DLC1: variants seen among roughly 807,000 people sequenced by gnomAD.
The protein encoded by DLC1 is DLC1 Rho GTPase activating protein, also known as rho GTPase-activating protein 7.
Under a neutral mutation model 140.3 loss-of-function variants are expected in DLC1, and 54 were observed. The observed-to-expected ratio is 0.38, with a 90% CI of 0.31 to 0.48. The LOEUF (loss-of-function observed/expected upper bound fraction) is 0.48. Among genes scored for constraint, DLC1 ranks in the 20% least tolerant of loss-of-function variants. The pLI, the probability that DLC1 is intolerant of heterozygous loss-of-function variation, is 0.96. For missense variants in DLC1, 2,536 were observed against 1,907.0 expected (o/e 1.33, Z -6.14); for synonymous variants, 986 against 728.1 (o/e 1.35, Z -5.70).
At chr8:13,589,214 A>C (rs975353239) in intron 1 of DLC1, among the ~76,000 whole-genome samples, 1 of 152,072 alleles carries the variant, frequency 6.6e-6, no homozygotes, top group African/African-American at 2.4e-5. Context: ...CTTAGCCCAG[A>C]GATGCTTATG....
chr8:13,395,790 C>T (rs1254301661), intron 3 of DLC1, among the ~76,000 whole-genome samples: 2 of 151,548 alleles, frequency 1.3e-5, no homozygotes, highest in Admixed American at 6.6e-5. Context: ...AGACATAACT[C>T]TGAGCAAATT....
In DLC1 at chr8:13,576,042, A is replaced by G. The variant is rs554393687; in HGVS notation, c.-126+28495T>C. On this transcript the variant is annotated intron_variant, in intron 1 of 1. Coordinates refer to the DLC1 transcript ENST00000631382. ...GGCAATGGCCTGTAAAAGTGCATAG[A>G]TGGAGCCAATTGTTGCCCAAATTGA... Among the ~76,000 whole-genome samples, 6 of 152,336 alleles carry G rather than the reference A, an allele frequency of 3.9e-5. 1 individual carries two copies. The highest frequency in any genetic ancestry group is 6.5e-5 in the Admixed American group (1 of 15,308).
chr8:13,590,068 T>TAA (rs1805465917), intron 1 of DLC1, among the ~76,000 whole-genome samples: 1 of 147,716 alleles, frequency 6.8e-6, no homozygotes, highest in Non-Finnish European at 1.5e-5. Flanking sequence ...CATGCATATA[T>TAA]ATATATATAC....
At chr8:13,488,650 G>A (rs1033724796) in intron 2 of DLC1, among the ~76,000 whole-genome samples, 18 of 152,156 alleles carry the variant, frequency 1.2e-4, no homozygotes, top group Non-Finnish European at 2.6e-4. Context: ...TCTGGAAAGG[G>A]ATCCTCCCTT....
chr8:13,118,359 C>A (rs958585801), intron 5 of DLC1, among the ~76,000 whole-genome samples: 1 of 152,176 alleles, frequency 6.6e-6, no homozygotes, highest in Non-Finnish European at 1.5e-5. Flanking sequence ...GGCTAAAACA[C>A]AGTACTCCCC....
At chr8:13,433,095 G>A (rs1414602844) in intron 2 of DLC1, among the ~76,000 whole-genome samples, 1 of 152,086 alleles carries the variant, frequency 6.6e-6, no homozygotes, top group Non-Finnish European at 1.5e-5. Flanking sequence ...AAAACTGTAG[G>A]ATGAGATGAG....
At chr8:13,567,962 T>C in intron 1 of DLC1, 1 of 1,519,132 alleles carries the variant, frequency 6.6e-7, no homozygotes, top group African/African-American at 1.4e-5. Context: ...TGTGGATAGA[T>C]GTCTTTGTTG....
At chr8:13,384,280 G>C (rs1836409490) in intron 4 of DLC1, among the ~76,000 whole-genome samples, 1 of 152,002 alleles carries the variant, frequency 6.6e-6, no homozygotes. Context: ...GAATAAGCTA[G>C]AAAGGAAAAG....
intron 1 of DLC1, among the ~76,000 whole-genome samples, chr8:13,555,912 C>G (rs1409708008): frequency 6.6e-6 from 1 of 151,868 alleles, no homozygotes; most frequent in African/African-American, 2.4e-5. Context: ...CCTGAACTTT[C>G]TAAATGTTTA....
chr8:13,135,051 G>A (rs112820971), intron 5 of DLC1, among the ~76,000 whole-genome samples: 8 of 152,254 alleles, frequency 5.3e-5, no homozygotes, highest in African/African-American at 1.9e-4. Flanking sequence ...GCCCTCATGA[G>A]TGTGGGAGCC....
At chr8:13,108,378 G>C (rs930231102) in intron 7 of DLC1, among the ~76,000 whole-genome samples, 10 of 152,166 alleles carry the variant, frequency 6.6e-5, no homozygotes, top group Non-Finnish European at 1.3e-4. Flanking sequence ...ATGCAGGAGA[G>C]AAAACTGAAG....
intron 5 of DLC1, among the ~76,000 whole-genome samples, chr8:13,233,536 A>G (rs1182961989): frequency 6.6e-6 from 1 of 152,090 alleles, no homozygotes; most frequent in Admixed American, 6.6e-5. Flanking sequence ...ATTATTTTTA[A>G]TATTTTATTC....
intron 7 of DLC1, 24 bp downstream of exon 7, chr8:13,110,718 A>G: frequency 6.2e-7 from 1 of 1,600,614 alleles, no homozygotes; most frequent in Non-Finnish European, 8.5e-7. Flanking sequence ...AAAAAAGGAA[A>G]ACACTCAAAA....
At chr8:13,566,530 C>G (rs1420043729) in intron 1 of DLC1, among the ~76,000 whole-genome samples, 1 of 152,158 alleles carries the variant, frequency 6.6e-6, no homozygotes, top group Non-Finnish European at 1.5e-5. Context: ...GCATCTTGTC[C>G]AGCGCGTTTT....
chr8:13,604,154 C>T (rs767014686), intron 1 of DLC1, among the ~76,000 whole-genome samples: 1 of 151,794 alleles, frequency 6.6e-6, no homozygotes, highest in African/African-American at 2.4e-5. Context: ...TTGAAAACTC[C>T]AACACATTAT....
chr8:13,251,409 G>A (rs1467473434), intron 5 of DLC1, among the ~76,000 whole-genome samples: 1 of 151,930 alleles, frequency 6.6e-6, no homozygotes, highest in African/African-American at 2.4e-5. Flanking sequence ...ATACCAATCT[G>A]GTATCAATTT....
At chr8:13,263,677 G>T (rs576913471) in intron 5 of DLC1, among the ~76,000 whole-genome samples, 1 of 151,060 alleles carries the variant, frequency 6.6e-6, no homozygotes, top group East Asian at 1.9e-4. Context: ...ACTTGACTTT[G>T]TTAATATCTT....
chr8:13,428,475 C>A (rs1838702909), intron 2 of DLC1, among the ~76,000 whole-genome samples: 1 of 152,128 alleles, frequency 6.6e-6, no homozygotes, highest in Admixed American at 6.6e-5. Context: ...AAACTGAAAG[C>A]TTTGAGAGCT....
chr8:13,266,973 T>C (rs1024986413), intron 5 of DLC1, among the ~76,000 whole-genome samples: 4 of 152,226 alleles, frequency 2.6e-5, no homozygotes, highest in Admixed American at 1.3e-4. Flanking sequence ...TGAGTTGGTC[T>C]TCCTCATCTT....
Sources: gnomAD v4.1 joint callset for allele counts (sites outside exome capture counted in the v4.1 genomes callset) on GRCh38, gnomAD v4.1.1 for gene constraint, MANE v1.5 for transcripts, NCBI Gene and HGNC (gene_info 2026-07-23, HGNC 2026-07-21) for gene names.